Variants in JPH1 observed in about 807,000 individuals in gnomAD.
JPH1 encodes the protein junctophilin 1.
Under a neutral mutation model 53.6 loss-of-function variants are expected in JPH1, and 12 were observed. That is an observed-to-expected ratio of 0.22 (90% CI 0.14 to 0.36). JPH1 has a LOEUF of 0.36. Among genes scored for constraint, JPH1 ranks in the 10% least tolerant of loss-of-function variants. The pLI, the probability that JPH1 is intolerant of heterozygous loss-of-function variation, is 1.00. For synonymous variants in JPH1, 375 were observed against 363.8 expected, an observed-to-expected ratio of 1.03 and a Z score of -0.35; for missense variants, 808 against 905.5, an observed-to-expected ratio of 0.89 and a Z score of 1.38.
chr8:74,242,855 C>T (rs560558946), intron 4 of JPH1, among the ~76,000 whole-genome samples: 10 of 152,264 alleles, frequency 6.6e-5, no homozygotes, highest in East Asian at 1.9e-4. Flanking sequence ...CTGAGAATTC[C>T]GCAAATAAGT....
chr8:74,244,332 G>A (rs968813589), intron 4 of JPH1, among the ~76,000 whole-genome samples, 197 bp downstream of exon 4: 1 of 152,138 alleles, frequency 6.6e-6, no homozygotes, highest in African/African-American at 2.4e-5. Context: ...TGAACATAGG[G>A]GTGGTGGGGG....
intron 2 of JPH1, among the ~76,000 whole-genome samples, chr8:74,308,865 T>G (rs1807909791): frequency 6.6e-6 from 1 of 152,238 alleles, no homozygotes; most frequent in Non-Finnish European, 1.5e-5. Context: ...GAAAGCAAGC[T>G]GGCATGGTTG....
rs966947070 is a variant in JPH1, at chr8:74,234,863, T to C, written c.*2188A>G. The stretch of plus-strand genomic sequence containing the variant: ...ACAAAGTCATGTTTTATTAAGTACA[T>C]TGGCAGACTTCATGTGCTGTCCAAA... On this transcript the variant is annotated 3_prime_UTR_variant, in exon 6 of 6. Transcript: ENST00000342232. 1 of 152,654 alleles carries C rather than the reference T, an allele frequency of 6.6e-6. No individual in the cohort carries two copies. The highest frequency in any genetic ancestry group is 2.4e-5 in the African/African-American group (1 of 41,470). The allele number at this position is 152,654 out of a possible 1,614,324, so 9.5% of individuals were successfully genotyped here.
intron 2 of JPH1, among the ~76,000 whole-genome samples, chr8:74,289,427 C>A (rs1807258544): frequency 6.6e-6 from 1 of 152,190 alleles, no homozygotes; most frequent in African/African-American, 2.4e-5. Context: ...AGAGACAATT[C>A]TAAAGGTATT....
intron 2 of JPH1, among the ~76,000 whole-genome samples, chr8:74,309,960 T>A (rs1807943702): frequency 6.6e-6 from 1 of 152,156 alleles, no homozygotes; most frequent in South Asian, 2.1e-4. Context: ...TATTGGGGGA[T>A]CCAATTCTAA....
chr8:74,249,321 C>T (rs1012316589), intron 3 of JPH1, among the ~76,000 whole-genome samples: 1 of 152,186 alleles, frequency 6.6e-6, no homozygotes, highest in African/African-American at 2.4e-5. Context: ...TGGAGACTGA[C>T]AATCAGTGAA....
chr8:74,300,529 G>A (rs1470520831), intron 2 of JPH1, among the ~76,000 whole-genome samples: 1 of 152,172 alleles, frequency 6.6e-6, no homozygotes, highest in Non-Finnish European at 1.5e-5. Context: ...TGAGTTGTGT[G>A]CGTGGAATGT....
chr8:74,278,206 T>G (rs1806905481), intron 2 of JPH1, among the ~76,000 whole-genome samples: 1 of 152,154 alleles, frequency 6.6e-6, no homozygotes, highest in African/African-American at 2.4e-5. Flanking sequence ...TCTCATGAGA[T>G]CTGATGGTTT....
intron 2 of JPH1, among the ~76,000 whole-genome samples, chr8:74,312,924 A>G (rs1808038121): frequency 6.6e-6 from 1 of 152,246 alleles, no homozygotes; most frequent in South Asian, 2.1e-4. Context: ...TTATAACTAT[A>G]TAATACAGTA....
rs376014048 is a variant in JPH1, at chr8:74,315,468, C to T, written c.532G>A (p.Asp178Asn). ...SEQSNGSVLHDAAAAADSPAG... is the reference protein window; with the variant it reads ...SEQSNGSVLHNAAAAADSPAG... Reference sequence around the variant, plus strand: ...GGGCTGTCGGCGGCGGCTGCGGCGTCGTGGAGCACGCTGCCATTGCTCTGC... The same window carrying T: ...GGGCTGTCGGCGGCGGCTGCGGCGTTGTGGAGCACGCTGCCATTGCTCTGC... The change falls in exon 2 of 6, where the codon GAC (aspartate) becomes AAC (asparagine). Residue 178 changes from aspartate to asparagine, a missense_variant. Transcript: ENST00000342232. The surrounding 1 kb of genome is among the most constrained non-coding windows in gnomAD (Gnocchi z 6.3). 7.5e-6 allele frequency: 12 copies of T among 1,607,774 alleles called. No homozygotes were observed. Among genetic ancestry groups the T allele is most frequent in the Middle Eastern group, 1.7e-4 (1 of 6,046 alleles).
intron 2 of JPH1, among the ~76,000 whole-genome samples, chr8:74,280,378 A>G (rs1480080225): frequency 1.3e-5 from 2 of 152,240 alleles, no homozygotes; most frequent in Non-Finnish European, 2.9e-5. Context: ...CTCATGGGTA[A>G]GAACTCATTA....
chr8:74,256,427 G>A (rs1470637971), intron 3 of JPH1, among the ~76,000 whole-genome samples: 1 of 151,558 alleles, frequency 6.6e-6, no homozygotes, highest in Non-Finnish European at 1.5e-5. Context: ...AGCATTAGGA[G>A]ATATACCTAA....
At chr8:74,295,612 A>C (rs960417172) in intron 2 of JPH1, among the ~76,000 whole-genome samples, 4 of 152,178 alleles carry the variant, frequency 2.6e-5, no homozygotes, top group Admixed American at 1.3e-4. Context: ...TCTAAGGCTT[A>C]ACAGATCTCA....
At chr8:74,241,098 T>C (rs1805680091) in intron 4 of JPH1, among the ~76,000 whole-genome samples, 1 of 152,196 alleles carries the variant, frequency 6.6e-6, no homozygotes, top group African/African-American at 2.4e-5. Flanking sequence ...ATTTCTCCTG[T>C]ATATGTTCTA....
At chr8:74,270,367 A>T (rs957137841) in intron 2 of JPH1, among the ~76,000 whole-genome samples, 2 of 152,186 alleles carry the variant, frequency 1.3e-5, no homozygotes, top group African/African-American at 4.8e-5. Context: ...ATTTTTCCTC[A>T]TGGGAGTCTC....
rs1462794403 is a variant in JPH1, at chr8:74,315,415, G to A, written c.585C>T (p.Leu195=). ...SPAGTRGGFV[L]NFHADAELAG... ...CTAGCTCAGCGTCTGCGTGGAAGTT[G>A]AGCACGAAACCGCCGCGGGTGCCGG... is the stretch of plus-strand genomic sequence containing the variant. The change falls in exon 2 of 6, where the codon CTC becomes CTT. Residue 195 remains leucine, a synonymous_variant. Transcript: ENST00000342232. This position sits in a 1 kb window ranked among gnomAD's most constrained non-coding sequence, Gnocchi z 6.3. The A allele has an allele frequency of 6.2e-7, 1 of 1,612,374 alleles. No homozygotes were observed. Among genetic ancestry groups the A allele is most frequent in the Admixed American group, 1.7e-5 (1 of 59,938 alleles).
chr8:74,305,348 A>G (rs1475933107), intron 2 of JPH1, among the ~76,000 whole-genome samples: 2 of 152,258 alleles, frequency 1.3e-5, no homozygotes, highest in African/African-American at 4.8e-5. Flanking sequence ...CACTTGCTTA[A>G]AAACAGAGTT....
intron 4 of JPH1, 74 bp downstream of exon 4, chr8:74,244,455 A>G: frequency 6.8e-7 from 1 of 1,473,140 alleles, no homozygotes. Context: ...ATCAAGATGC[A>G]CAGTCACCCC....
At chr8:74,301,988 G>T (rs778366003) in intron 2 of JPH1, among the ~76,000 whole-genome samples, 1 of 152,186 alleles carries the variant, frequency 6.6e-6, no homozygotes, top group Non-Finnish European at 1.5e-5. Context: ...AAGGGCTTGG[G>T]GCTCTGACGC....
Sources: allele counts gnomAD v4.1 joint callset (sites outside exome capture counted in the v4.1 genomes callset), GRCh38; gene constraint gnomAD v4.1.1; non-coding constraint Gnocchi (gnomAD v3.1); transcripts MANE v1.5; gene names NCBI Gene and HGNC (gene_info 2026-07-23, HGNC 2026-07-21).